The following NIPAL3 variants were observed in gnomAD, a reference collection of about 807,000 sequenced individuals.
The protein encoded by NIPAL3 is NIPA-like protein 3.
NIPAL3 carries 41 observed loss-of-function variants against 47.2 expected under a neutral mutation model. The observed-to-expected ratio is 0.87, with a 90% CI of 0.68 to 1.13. The LOEUF is 1.13. Ranked by LOEUF, NIPAL3 falls within the 50% of genes most tolerant of loss-of-function variation. The pLI, the probability that NIPAL3 is intolerant of heterozygous loss-of-function variation, is 0.00. For synonymous variants in NIPAL3, 194 were observed against 209.6 expected, an observed-to-expected ratio of 0.93 and a Z score of 0.64; for missense variants, 449 against 530.1, an observed-to-expected ratio of 0.85 and a Z score of 1.50.
intron 8 of NIPAL3, chr1:24,457,588 G>A: frequency 2.7e-6 from 1 of 372,138 alleles, no homozygotes; most frequent in Non-Finnish European, 5.3e-6. Context: ...CTCCTTTGAT[G>A]TACAGGATAT....
chr1:24,428,258 A>AAGAG (rs56082168), intron 2 of NIPAL3, among the ~76,000 whole-genome samples: 6,847 of 119,260 alleles, frequency 0.057, 262 homozygotes, highest in Middle Eastern at 0.099. Context: ...CTCAAAAAGA[A>AAGAG]AGAGAGAGAG....
chr1:24,437,628 A>T (rs951260616), intron 2 of NIPAL3, among the ~76,000 whole-genome samples: 3 of 151,136 alleles, frequency 2.0e-5, no homozygotes, highest in Admixed American at 1.3e-4. Flanking sequence ...CAGGGTCCTG[A>T]GGAGCGACAA....
At chr1:24,466,159 C>A in intron 11 of NIPAL3, 2 of 1,487,350 alleles carry the variant, frequency 1.3e-6, no homozygotes, top group South Asian at 1.2e-5. Flanking sequence ...CAGGAACTAG[C>A]CTGGCACTCT....
At chr1:24,433,474 C>T (rs548400872) in intron 2 of NIPAL3, among the ~76,000 whole-genome samples, 1 of 152,308 alleles carries the variant, frequency 6.6e-6, no homozygotes, top group Admixed American at 6.5e-5. Flanking sequence ...AGTCTGAGAG[C>T]CTAAATTTTA....
In NIPAL3 at chr1:24,451,799, A is replaced by G. The variant is rs7514127; in HGVS notation, c.541-1609A>G. Among the ~76,000 whole-genome samples the G allele has an allele frequency of 0.98, 149,651 of 152,322 alleles. 73,525 individuals carry two copies. Among genetic ancestry groups the G allele is most frequent in the East Asian group, 1 (5,187 of 5,188 alleles). On this transcript the variant is annotated intron_variant, in intron 6 of 11. Transcript: ENST00000374399. This position sits in a 1 kb window ranked among gnomAD's most constrained non-coding sequence, Gnocchi z 4.5. Reference sequence around the variant, plus strand: ...GTGGTTGGGAATGTTGATGATTGACAGCACATCCACTTGATGAAGTATTCT... The same window carrying G: ...GTGGTTGGGAATGTTGATGATTGACGGCACATCCACTTGATGAAGTATTCT...
chr1:24,421,088 C>T (rs1291805564), intron 2 of NIPAL3, among the ~76,000 whole-genome samples: 4 of 151,928 alleles, frequency 2.6e-5, no homozygotes, highest in Admixed American at 6.6e-5. Context: ...GAAGCCAAGA[C>T]GGGTGGATGG....
At chr1:24,468,504 G>T (rs1646791673) in intron 11 of NIPAL3, among the ~76,000 whole-genome samples, 1 of 152,144 alleles carries the variant, frequency 6.6e-6, no homozygotes, top group South Asian at 2.1e-4. Flanking sequence ...GTGGACCAGG[G>T]AATTTAAAGT....
chr1:24,464,171 C>A, intron 11 of NIPAL3, 51 bp downstream of exon 11: 2 of 1,392,524 alleles, frequency 1.4e-6, no homozygotes, highest in Non-Finnish European at 2.0e-6. Flanking sequence ...AGAATGACTG[C>A]TACTTCCTGT....
chr1:24,428,431 C>A (rs769751459), intron 2 of NIPAL3, among the ~76,000 whole-genome samples: 25 of 152,040 alleles, frequency 1.6e-4, no homozygotes, highest in Non-Finnish European at 2.9e-4. Context: ...GTCAGAAGAC[C>A]CCCATTCCAG....
intron 10 of NIPAL3, 45 bp from the exon 11 acceptor site, chr1:24,463,981 T>C (rs372546179): frequency 6.5e-6 from 10 of 1,531,720 alleles, no homozygotes; most frequent in African/African-American, 1.4e-5. Flanking sequence ...TGCCCGACCT[T>C]GCTCCTGGCC....
At chr1:24,447,189 G>A (rs1198757714) in intron 5 of NIPAL3, among the ~76,000 whole-genome samples, 4 of 152,198 alleles carry the variant, frequency 2.6e-5, no homozygotes, top group Admixed American at 2.0e-4. Flanking sequence ...GGCTGGGGCC[G>A]GGGCCGGGGC....
rs1008027745 is a variant in NIPAL3, at chr1:24,451,814, T to A, written c.541-1594T>A. 6.6e-5 allele frequency among the ~76,000 whole-genome samples: 10 copies of A among 152,182 alleles called. No individual in the cohort carries two copies. The highest frequency in any genetic ancestry group is 9.7e-5 in the African/African-American group (4 of 41,444). The stretch of plus-strand genomic sequence containing the variant: ...GATGATTGACAGCACATCCACTTGA[T>A]GAAGTATTCTGCAGCAATTAAAGAT... On this transcript the variant is annotated intron_variant, in intron 6 of 11. Coordinates refer to ENST00000374399, the MANE Select transcript of NIPAL3 (RefSeq NM_020448.5). The surrounding 1 kb of genome is among the most constrained non-coding windows in gnomAD (Gnocchi z 4.5).
At chr1:24,446,069 C>CTGTGTGT (rs58526442) in intron 5 of NIPAL3, among the ~76,000 whole-genome samples, 33,404 of 147,730 alleles carry the variant, frequency 0.23, 4,214 homozygotes, top group Non-Finnish European at 0.3. Flanking sequence ...AGATTATAGT[C>CTGTGTGT]GTGTGTGTGT....
Position 24,453,401 on chromosome 1 carries a change from T to C in NIPAL3, c.541-7T>C, listed in dbSNP as rs765803773. 6.2e-7 allele frequency: 1 copy of C among 1,612,012 alleles called. No homozygotes were observed. Among genetic ancestry groups the C allele is most frequent in the Admixed American group, 1.7e-5 (1 of 59,944 alleles). The stretch of plus-strand genomic sequence containing the variant: ...CCACTGACCCCCCTGCTTGCTGCCT[T>C]CCACAGCTGGTGGAGATCATTCTGT... On this transcript the variant is annotated splice_region_variant and splice_polypyrimidine_tract_variant and intron_variant, in intron 6 of 11. Coordinates refer to ENST00000374399, the MANE Select transcript of NIPAL3 (RefSeq NM_020448.5).
chr1:24,460,121 GGTTA>G (rs1331034742), intron 9 of NIPAL3, among the ~76,000 whole-genome samples: 1 of 152,196 alleles, frequency 6.6e-6, no homozygotes, highest in African/African-American at 2.4e-5. Flanking sequence ...TCTGTGGTTT[GGTTA>G]GTAAGTGTTC....
chr1:24,456,138 G>C lies in NIPAL3; in HGVS notation c.638G>C (p.Gly213Ala), dbSNP rs1283636944. Residue 213 changes from glycine (G) to alanine (A), a missense_variant and splice_region_variant, in exon 8 of 12, where the codon GGC becomes GCC. Gly to Ala is a moderately conservative substitution (Grantham distance 60, BLOSUM62 0). Transcript: ENST00000374399. The stretch of plus-strand genomic sequence containing the variant: ...ATTCGCCCTTGTCTCCCATCTGCAG[G>C]CTCCATGACAGTGGTGACAGTCAAG... Reference protein sequence around the residue: ...VVILLLVALLGSMTVVTVKAV... With the variant: ...VVILLLVALLASMTVVTVKAV... 13 of 1,613,986 alleles carry C rather than the reference G, an allele frequency of 8.1e-6. No individual in the cohort carries two copies. Among genetic ancestry groups the C allele is most frequent in the Non-Finnish European group, 6.8e-6 (8 of 1,180,004 alleles).
Position 24,469,629 on chromosome 1 carries a change from C to A in NIPAL3, c.*444C>A. 1 of 159,972 alleles carries A rather than the reference C, an allele frequency of 6.3e-6. No individual in the cohort carries two copies. Among genetic ancestry groups the A allele is most frequent in the Middle Eastern group, 3.3e-3 (1 of 304 alleles). The allele number at this position is 159,972 out of a possible 1,614,324, so 9.9% of individuals were successfully genotyped here. A position where few individuals can be genotyped will look rare whatever the true frequency, so the allele number is the denominator to read the frequency against. Reference sequence around the variant, plus strand: ...ACCTCATGTGCATGCCTGATCTCACCCTGACACTCCTGATGCCGCATCTGT... The same window carrying A: ...ACCTCATGTGCATGCCTGATCTCACACTGACACTCCTGATGCCGCATCTGT... On this transcript the variant is annotated 3_prime_UTR_variant, in exon 12 of 12. Coordinates refer to ENST00000374399, the MANE Select transcript of NIPAL3 (RefSeq NM_020448.5).
In NIPAL3 at chr1:24,472,087, T is replaced by C. The variant is rs1043128218; in HGVS notation, c.*2902T>C. The C allele has an allele frequency of 6.6e-6, 1 of 151,364 alleles. No homozygotes were observed. 9.4% of individuals were successfully genotyped at this position (151,364 alleles called of 1,614,324 possible). On this transcript the variant is annotated 3_prime_UTR_variant, in exon 12 of 12. Coordinates refer to ENST00000374399, the MANE Select transcript of NIPAL3 (RefSeq NM_020448.5). ...CTTGAGATGAGTGAATAAAAGCGTATTGTAATTTCATGTCTGCTTCAGATC... is the reference window on the plus strand; with the variant it reads ...CTTGAGATGAGTGAATAAAAGCGTACTGTAATTTCATGTCTGCTTCAGATC...
Position 24,470,765 on chromosome 1 carries a change from GAC to G in NIPAL3, c.*1582_*1583del, listed in dbSNP as rs1347017310. The G allele has an allele frequency of 6.6e-6, 1 of 152,206 alleles. No homozygotes were observed. The highest frequency in any genetic ancestry group is 2.4e-5 in the African/African-American group (1 of 41,460). The allele number at this position is 152,206 out of a possible 1,614,324, so 9.4% of individuals were successfully genotyped here. A position where few individuals can be genotyped will look rare whatever the true frequency, so the allele number is the denominator to read the frequency against. On this transcript the variant is annotated 3_prime_UTR_variant, in exon 12 of 12. Transcript: ENST00000374399. ...ATTTAGTATCTTGACTCCAAAAACT[GAC>G]ATCTGTTGTCTGTGATAACCACTTC...
Sources: allele counts gnomAD v4.1 joint callset (sites outside exome capture counted in the v4.1 genomes callset), GRCh38; gene constraint gnomAD v4.1.1; non-coding constraint Gnocchi (gnomAD v3.1); transcripts MANE v1.5; gene names NCBI Gene and HGNC (gene_info 2026-07-23, HGNC 2026-07-21).